CCDC154: variants seen among roughly 807,000 people sequenced by gnomAD.
The protein encoded by CCDC154 is coiled-coil domain-containing protein 154.
CCDC154 carries 91 observed loss-of-function variants against 87.5 expected under a neutral mutation model. That is an observed-to-expected ratio of 1.04 (90% CI 0.88 to 1.24). CCDC154 has a LOEUF of 1.24. CCDC154 is among the 50% of genes most tolerant of loss of function. The probability of loss-of-function intolerance (pLI) is 0.00; values close to 1 mark genes in which losing one functional copy is unlikely to be tolerated. For synonymous variants in CCDC154, 418 were observed against 400.4 expected, an observed-to-expected ratio of 1.04 and a Z score of -0.52; for missense variants, 903 against 879.2, an observed-to-expected ratio of 1.03 and a Z score of -0.34.
In CCDC154 at chr16:1,443,404, G is replaced by A. The variant is rs924391929; in HGVS notation, c.414+102C>T. 72 of 1,456,612 alleles carry A rather than the reference G, an allele frequency of 4.9e-5. No homozygotes were observed. The African/African-American group carries it at 9.7e-4, about 20-fold the overall frequency. The allele number at this position is 1,456,612 out of a possible 1,614,324, so 90.2% of individuals were successfully genotyped here. Reference sequence around the variant, plus strand: ...GGCACCACTGGCCCCTGGGAGCTCTGGGCCTGGGCAGCAGGGGTGAGCTGG... The same window carrying A: ...GGCACCACTGGCCCCTGGGAGCTCTAGGCCTGGGCAGCAGGGGTGAGCTGG... On this transcript the variant is annotated intron_variant, in intron 3 of 16. Transcript: ENST00000389176.
Position 1,442,873 on chromosome 16 carries a change from C to T in CCDC154, c.551+7G>A, listed in dbSNP as rs753992693. The T allele has an allele frequency of 1.1e-4, 171 of 1,488,346 alleles. 1 individual carries two copies. The highest frequency in any genetic ancestry group is 4.2e-4 in the Admixed American group (21 of 49,466). 92.2% of individuals were successfully genotyped at this position (1,488,346 alleles called of 1,614,324 possible). A position where few individuals can be genotyped will look rare whatever the true frequency, so the allele number is the denominator to read the frequency against. ...TCCGGAGCCAGCCACGGGCGGTGGG[C>T]GCCCACCTGAGGCCGGCCTCTTGCT... is the stretch of plus-strand genomic sequence containing the variant. On this transcript the variant is annotated splice_region_variant and intron_variant, in intron 5 of 16. Coordinates refer to ENST00000389176, the MANE Select transcript of CCDC154 (RefSeq NM_001143980.3).
chr16:1,441,209 A>G (rs948816209), intron 6 of CCDC154, among the ~76,000 whole-genome samples: 1 of 152,202 alleles, frequency 6.6e-6, no homozygotes, highest in Non-Finnish European at 1.5e-5. Flanking sequence ...AGACGCCCTC[A>G]TGAGCGGCAG....
In CCDC154 at chr16:1,439,133, C is replaced by T. The variant is rs748984287; in HGVS notation, c.676-7G>A. On this transcript the variant is annotated splice_region_variant and splice_polypyrimidine_tract_variant and intron_variant, in intron 6 of 16. Coordinates refer to ENST00000389176, the MANE Select transcript of CCDC154 (RefSeq NM_001143980.3). ...CGAGCTTGGTCACCTGGGCCTGGGG[C>T]GGAGGCACATTGTCCCGTGTGCAGC... 26 of 1,549,298 alleles carry T rather than the reference C, an allele frequency of 1.7e-5. No homozygotes were observed. The highest frequency in any genetic ancestry group is 1.7e-4 in the Middle Eastern group (1 of 5,752).
Position 1,443,562 on chromosome 16 carries a change from G to T in CCDC154, c.358C>A (p.Gln120Lys). 1 of 1,481,100 alleles carries T rather than the reference G, an allele frequency of 6.8e-7. No homozygotes were observed. Among genetic ancestry groups the T allele is most frequent in the Non-Finnish European group, 8.9e-7 (1 of 1,119,802 alleles). The allele number at this position is 1,481,100 out of a possible 1,614,324, so 91.7% of individuals were successfully genotyped here. ...RVQLQGSELRQLQQEARPAAQ... is the reference protein window; with the variant it reads ...RVQLQGSELRKLQQEARPAAQ... ...GCCGGCCGCGCCTCCTGCTGCAACTGCCTCAGCTCTGAGCCCTGCAGCTGC... is the reference window on the plus strand; with the variant it reads ...GCCGGCCGCGCCTCCTGCTGCAACTTCCTCAGCTCTGAGCCCTGCAGCTGC... Residue 120 changes from glutamine (Q) to lysine (K), a missense_variant, in exon 3 of 17, where the codon CAG becomes AAG. Gln to Lys is a moderately conservative substitution (Grantham distance 53). Transcript: ENST00000389176.
Position 1,438,868 on chromosome 16 carries a change from T to G in CCDC154, c.853A>C (p.Lys285Gln). Reference sequence around the variant, plus strand: ...CGCTCCTCCATCAGCCCCCGAAGCTTCTCCCACCGGCTCTCCAGCTCGCCC... The same window carrying G: ...CGCTCCTCCATCAGCCCCCGAAGCTGCTCCCACCGGCTCTCCAGCTCGCCC... ...LRGELESRWE[K>Q]LRGLMEERLR... Residue 285 changes from lysine to glutamine, a missense_variant, in exon 8 of 17, where the codon AAG becomes CAG. Coordinates refer to ENST00000389176, the MANE Select transcript of CCDC154 (RefSeq NM_001143980.3). 1 of 1,548,900 alleles carries G rather than the reference T, an allele frequency of 6.5e-7. No homozygotes were observed.
intron 15 of CCDC154, 37 bp downstream of exon 15, chr16:1,435,052 G>C (rs2142349851): frequency 6.5e-7 from 1 of 1,535,556 alleles, no homozygotes; most frequent in South Asian, 1.2e-5. Flanking sequence ...GGAGCGGGTG[G>C]GAGCTGGGCG....
At chr16:1,437,321 G>A (rs571895466) in intron 11 of CCDC154, 14 of 180,132 alleles carry the variant, frequency 7.8e-5, no homozygotes, top group African/African-American at 2.6e-4. Context: ...GGCAGCCCCC[G>A]AGACAGGGAG....
In CCDC154 at chr16:1,436,780, T is replaced by C. The variant is rs1428928448; in HGVS notation, c.1322A>G (p.Lys441Arg). The change falls in exon 12 of 17, where the codon AAG becomes AGG. Residue 441 changes from lysine (K) to arginine (R), a missense_variant. Transcript: ENST00000389176. ...CCACCTGGCCAGGTCCTCCAGGGAC[T>C]TCCTCTCTGCACCTTCCCATTCGGT... is the stretch of plus-strand genomic sequence containing the variant. ...AKTEWEGAER[K>R]SLEDLARWRK... 1 of 1,550,420 alleles carries C rather than the reference T, an allele frequency of 6.4e-7. No homozygotes were observed. The highest frequency in any genetic ancestry group is 8.7e-7 in the Non-Finnish European group (1 of 1,146,956).
intron 6 of CCDC154, among the ~76,000 whole-genome samples, chr16:1,441,790 A>C (rs2038554338): frequency 6.6e-6 from 1 of 151,984 alleles, no homozygotes; most frequent in South Asian, 2.1e-4. Flanking sequence ...CTTTTTTTTG[A>C]GATGAGGTCT....
At chr16:1,444,093 G>T in intron 1 of CCDC154, 81 bp from the exon 2 acceptor site, 1 of 1,142,680 alleles carries the variant, frequency 8.8e-7, no homozygotes, top group Non-Finnish European at 1.2e-6. Context: ...CCAAACCCCC[G>T]CAGGACCCTC....
At position 1,436,774 on chromosome 16, in the gene CCDC154, A is replaced by C; in HGVS notation, c.1328T>G (p.Leu443Arg). Residue 443 changes from leucine (L) to arginine (R), a missense_variant, in exon 12 of 17, where the codon CTG becomes CGG. Physicochemically the swap from Leu to Arg is moderately radical, Grantham distance 102. Coordinates refer to ENST00000389176, the MANE Select transcript of CCDC154 (RefSeq NM_001143980.3). Reference sequence around the variant, plus strand: ...CTTCCGCCACCTGGCCAGGTCCTCCAGGGACTTCCTCTCTGCACCTTCCCA... The same window carrying C: ...CTTCCGCCACCTGGCCAGGTCCTCCCGGGACTTCCTCTCTGCACCTTCCCA... ...TEWEGAERKSLEDLARWRKEV... is the reference protein window; with the variant it reads ...TEWEGAERKSREDLARWRKEV... 1 of 1,550,566 alleles carries C rather than the reference A, an allele frequency of 6.4e-7. No homozygotes were observed. Among genetic ancestry groups the C allele is most frequent in the Non-Finnish European group, 8.7e-7 (1 of 1,146,962 alleles).
rs1160288649 is a variant in CCDC154 at position 1,442,929 on chromosome 16, C to T, written c.502G>A (p.Val168Met). 1 of 1,549,912 alleles carries T rather than the reference C, an allele frequency of 6.5e-7. No individual in the cohort carries two copies. Among genetic ancestry groups the T allele is most frequent in the African/African-American group, 1.4e-5 (1 of 73,056 alleles). Reference protein sequence around the residue: ...EALTRLRRRQVQQEAERRGAE... With the variant: ...EALTRLRRRQMQQEAERRGAE... Reference sequence around the variant, plus strand: ...CCCCTTCTCTCCGCCTCCTGTTGCACCTGCCTCCTCCTGAGCCGGGTCAAG... The same window carrying T: ...CCCCTTCTCTCCGCCTCCTGTTGCATCTGCCTCCTCCTGAGCCGGGTCAAG... Residue 168 changes from valine to methionine, a missense_variant, in exon 5 of 17, where the codon GTG becomes ATG. Transcript: ENST00000389176.
At chr16:1,439,415 C>T (rs2038531775) in intron 6 of CCDC154, 1 of 453,944 alleles carries the variant, frequency 2.2e-6, no homozygotes, top group Admixed American at 3.9e-5. Context: ...GGAAGGCCCC[C>T]CAGCCGCCAC....
chr16:1,438,499 G>A (rs1468833376), intron 9 of CCDC154, 120 bp downstream of exon 9: 9 of 971,294 alleles, frequency 9.3e-6, no homozygotes, highest in Non-Finnish European at 1.4e-5. Flanking sequence ...CCTCGGGGTC[G>A]AGCACTCTGC....
Position 1,434,719 on chromosome 16 carries a change from GCCATGT to G in CCDC154, c.1820_1825del (p.Asp607_Met608del). ...GTTCATGGGCACCACCTTGCCAGGC[GCCATGT>G]CCTTGATGAAGACCCGCGGCCTCAC... On this transcript the variant is annotated inframe_deletion, in exon 16 of 17. Coordinates refer to ENST00000389176, the MANE Select transcript of CCDC154 (RefSeq NM_001143980.3). 6.5e-7 allele frequency: 1 copy of G among 1,546,740 alleles called. No homozygotes were observed. Among genetic ancestry groups the G allele is most frequent in the Non-Finnish European group, 8.7e-7 (1 of 1,146,816 alleles).
chr16:1,442,559 C>A, intron 5 of CCDC154, 30 bp from the exon 6 acceptor site: 1 of 1,502,824 alleles, frequency 6.7e-7, no homozygotes, highest in Non-Finnish European at 8.9e-7. Flanking sequence ...TCACACCAGC[C>A]CAGCTGGCCG....
Position 1,444,156 on chromosome 16 carries a change from G to A in CCDC154, c.8-144C>T. 8.8e-6 allele frequency: 9 copies of A among 1,027,100 alleles called. No individual in the cohort carries two copies. In the South Asian group the frequency reaches 1.4e-4, roughly 15 times the overall value. 63.6% of individuals were successfully genotyped at this position (1,027,100 alleles called of 1,614,324 possible). Reference sequence around the variant, plus strand: ...CCTTGGGTCACACAGGATCCAGACGGGCTTGGCTCAGACAAGTCCAGGGCC... The same window carrying A: ...CCTTGGGTCACACAGGATCCAGACGAGCTTGGCTCAGACAAGTCCAGGGCC... On this transcript the variant is annotated intron_variant, in intron 1 of 16. Coordinates refer to ENST00000389176, the MANE Select transcript of CCDC154 (RefSeq NM_001143980.3).
chr16:1,437,715 C>G (rs1276801001), intron 11 of CCDC154, 102 bp downstream of exon 11: 11 of 1,356,354 alleles, frequency 8.1e-6, no homozygotes, highest in Admixed American at 5.5e-5. Context: ...AGGCTTGGGA[C>G]CGGCCTGTCA....
rs1016490294 is a variant in CCDC154 at position 1,438,876 on chromosome 16, C to T, written c.845G>A (p.Arg282Gln). 22 of 1,549,210 alleles carry T rather than the reference C, an allele frequency of 1.4e-5. No homozygotes were observed. The highest frequency in any genetic ancestry group is 1.4e-5 in the African/African-American group (1 of 73,018). ...CATCAGCCCCCGAAGCTTCTCCCAC[C>T]GGCTCTCCAGCTCGCCCCGCAGGCT... ...EGSLRGELES[R>Q]WEKLRGLMEE... The change falls in exon 8 of 17, where the codon CGG (arginine) becomes CAG (glutamine). Residue 282 changes from arginine to glutamine, a missense_variant. Coordinates refer to ENST00000389176, the MANE Select transcript of CCDC154 (RefSeq NM_001143980.3).
Sources: allele counts gnomAD v4.1 joint callset (sites outside exome capture counted in the v4.1 genomes callset), GRCh38; gene constraint gnomAD v4.1.1; transcripts MANE v1.5; gene names NCBI Gene and HGNC (gene_info 2026-07-23, HGNC 2026-07-21).